The following FRAS1 variants were observed in gnomAD, a reference collection of about 807,000 sequenced individuals.
The protein encoded by FRAS1 is extracellular matrix organizing protein FRAS1.
In FRAS1, 290 loss-of-function variants were observed where a neutral mutation model predicts 435.2. That is an observed-to-expected ratio of 0.67 (90% CI 0.61 to 0.73). The LOEUF is 0.73. FRAS1 is among the 30% of genes least tolerant of loss of function. FRAS1 has a pLI of 0.00. For missense variants in FRAS1, 4,860 were observed against 5,001.5 expected (o/e 0.97, Z 0.85); for synonymous variants, 1,800 against 1,851.0 (o/e 0.97, Z 0.71).
chr4:78,326,514 G>A (rs989146442), intron 18 of FRAS1, among the ~76,000 whole-genome samples: 1 of 152,300 alleles, frequency 6.6e-6, no homozygotes, highest in African/African-American at 2.4e-5. Context: ...TACATTAAGT[G>A]CATATAGGAT....
chr4:78,182,094 C>A, intron 2 of FRAS1: 1 of 1,439,504 alleles, frequency 6.9e-7, no homozygotes, highest in Non-Finnish European at 9.2e-7. Context: ...GCGGGCCGCG[C>A]CGAGCCAAGA....
Position 78,286,476 on chromosome 4 carries a change from C to G in FRAS1, c.1471C>G (p.Arg491Gly). The G allele has an allele frequency of 6.2e-7, 1 of 1,613,664 alleles. No homozygotes were observed. The change falls in exon 14 of 74, where the codon CGG (arginine) becomes GGG (glycine). Residue 491 changes from arginine (R) to glycine (G), a missense_variant. Arg to Gly is a moderately radical substitution (Grantham distance 125). Transcript: ENST00000512123. ...ATCCTGCCAGCCTCCCCTGCTGATG[C>G]GGCACGGGCAGTGTGTGCCTACCTG... The part of the protein sequence containing the change: ...CSSCQPPLLM[R>G]HGQCVPTCGD...
chr4:78,221,659 T>C (rs1166942542), intron 2 of FRAS1, among the ~76,000 whole-genome samples: 1 of 152,222 alleles, frequency 6.6e-6, no homozygotes, highest in Non-Finnish European at 1.5e-5. Flanking sequence ...CTCCCATTTT[T>C]AGAAGGGGCT....
chr4:78,312,928 T>G (rs769124085), intron 15 of FRAS1, among the ~76,000 whole-genome samples: 2 of 152,102 alleles, frequency 1.3e-5, no homozygotes, highest in African/African-American at 2.4e-5. Context: ...TTTATTGATA[T>G]TACATTGGAG....
At chr4:78,526,770 C>G in intron 70 of FRAS1, 113 bp downstream of exon 70, 1 of 655,668 alleles carries the variant, frequency 1.5e-6, no homozygotes, top group South Asian at 2.1e-5. Flanking sequence ...CATAGTCATT[C>G]ACTGACATGC....
chr4:78,183,144 T>G (rs1288058524), intron 2 of FRAS1, among the ~76,000 whole-genome samples: 1 of 152,136 alleles, frequency 6.6e-6, no homozygotes, highest in African/African-American at 2.4e-5. Flanking sequence ...TCAAGCCAGA[T>G]ATGGACTTGC....
intron 2 of FRAS1, among the ~76,000 whole-genome samples, chr4:78,232,146 T>G (rs368044804): frequency 2.6e-5 from 4 of 152,246 alleles, no homozygotes; most frequent in Admixed American, 1.3e-4. Flanking sequence ...ATAAAGCAAC[T>G]TTATGTGACC....
At chr4:78,270,181 T>C (rs1726588028) in intron 9 of FRAS1, among the ~76,000 whole-genome samples, 1 of 152,218 alleles carries the variant, frequency 6.6e-6, no homozygotes, top group African/African-American at 2.4e-5. Flanking sequence ...GCTGCTTCTG[T>C]AAATAGAAAA....
At chr4:78,112,219 T>G (rs772250617) in intron 2 of FRAS1, among the ~76,000 whole-genome samples, 2 of 152,116 alleles carry the variant, frequency 1.3e-5, no homozygotes, top group Non-Finnish European at 2.9e-5. Context: ...GTAATAACAT[T>G]ATTTTACCAT....
chr4:78,487,071 T>G (rs1338175412), intron 58 of FRAS1, among the ~76,000 whole-genome samples: 1 of 152,096 alleles, frequency 6.6e-6, no homozygotes, highest in African/African-American at 2.4e-5. Context: ...CTTCCCTGCT[T>G]GTATTGCTTT....
intron 6 of FRAS1, chr4:78,264,816 G>A: frequency 1.5e-6 from 1 of 659,704 alleles, no homozygotes; most frequent in South Asian, 1.6e-5. Context: ...CAGGACTTGA[G>A]GCATGTGCAA....
At chr4:78,080,263 C>T (rs560828604) in intron 2 of FRAS1, among the ~76,000 whole-genome samples, 2 of 152,276 alleles carry the variant, frequency 1.3e-5, no homozygotes, top group South Asian at 4.2e-4. Flanking sequence ...GAACAGAAAG[C>T]CGACTGCTTG....
chr4:78,342,096 T>C (rs1730417779), intron 20 of FRAS1, among the ~76,000 whole-genome samples: 1 of 152,126 alleles, frequency 6.6e-6, no homozygotes, highest in African/African-American at 2.4e-5. Flanking sequence ...GGGCTGGCAA[T>C]GTAATATCCT....
At chr4:78,440,630 T>A (rs1482609037) in intron 40 of FRAS1, among the ~76,000 whole-genome samples, 2 of 152,218 alleles carry the variant, frequency 1.3e-5, no homozygotes, top group Non-Finnish European at 2.9e-5. Context: ...TTTATTTTCT[T>A]CCTTGACATT....
At chr4:78,191,202 G>T (rs1722518102) in intron 2 of FRAS1, among the ~76,000 whole-genome samples, 1 of 152,204 alleles carries the variant, frequency 6.6e-6, no homozygotes, top group Non-Finnish European at 1.5e-5. Context: ...AGCAAACTAA[G>T]ACAAGACAAA....
intron 68 of FRAS1, among the ~76,000 whole-genome samples, chr4:78,522,083 T>G (rs1375916210): frequency 6.6e-6 from 1 of 152,254 alleles, no homozygotes; most frequent in African/African-American, 2.4e-5. Flanking sequence ...TTGCTTTAGT[T>G]TCTTTTAATC....
At chr4:78,301,724 T>A (rs1273883802) in intron 14 of FRAS1, among the ~76,000 whole-genome samples, 2 of 152,170 alleles carry the variant, frequency 1.3e-5, no homozygotes, top group Non-Finnish European at 2.9e-5. Flanking sequence ...AAGCAGTCCT[T>A]CTTTCTCTAG....
chr4:78,256,411 G>A (rs1371784115), intron 6 of FRAS1, among the ~76,000 whole-genome samples: 1 of 152,168 alleles, frequency 6.6e-6, no homozygotes, highest in Non-Finnish European at 1.5e-5. Flanking sequence ...ACACTCTAGT[G>A]TTGAGGCATT....
chr4:78,069,066 A>C (rs1740201739), intron 2 of FRAS1, among the ~76,000 whole-genome samples: 1 of 152,196 alleles, frequency 6.6e-6, no homozygotes, highest in South Asian at 2.1e-4. Flanking sequence ...CTTCTAGTGT[A>C]AGAGGCGTCA....
Sources: gnomAD v4.1 joint callset for allele counts (sites outside exome capture counted in the v4.1 genomes callset) on GRCh38, gnomAD v4.1.1 for gene constraint, MANE v1.5 for transcripts, NCBI Gene and HGNC (gene_info 2026-07-23, HGNC 2026-07-21) for gene names.